Variants in NALF1 observed in about 807,000 individuals in gnomAD.
NALF1 encodes NALCN channel auxiliary factor 1.
Under a neutral mutation model 48.4 loss-of-function variants are expected in NALF1, and 3 were observed. The observed-to-expected ratio is 0.06, with a 90% confidence interval of 0.03 to 0.16. The LOEUF (loss-of-function observed/expected upper bound fraction) is 0.16, where lower values mean the gene tolerates loss of function less well. Among genes scored for constraint, NALF1 ranks in the 10% least tolerant of loss-of-function variants. The pLI, the probability that NALF1 is intolerant of heterozygous loss-of-function variation, is 1.00. For synonymous variants in NALF1, 262 were observed against 245.7 expected (o/e 1.07, Z -0.62); for missense variants, 526 against 571.5 (o/e 0.92, Z 0.81).
chr13:107,686,204 G>A (rs959587743), intron 1 of NALF1, among the ~76,000 whole-genome samples: 1 of 152,090 alleles, frequency 6.6e-6, no homozygotes, highest in Non-Finnish European at 1.5e-5. Context: ...AAGCAAGCTG[G>A]GAGTATAGGG....
At chr13:107,333,387 G>GA (rs1010056666) in intron 1 of NALF1, among the ~76,000 whole-genome samples, 2 of 152,166 alleles carry the variant, frequency 1.3e-5, no homozygotes, top group Non-Finnish European at 2.9e-5. Context: ...CAAGAAATGA[G>GA]AAAAACATGG....
chr13:107,554,704 G>C (rs1229062715), intron 1 of NALF1, among the ~76,000 whole-genome samples: 1 of 152,164 alleles, frequency 6.6e-6, no homozygotes, highest in Admixed American at 6.5e-5. Flanking sequence ...CTTTGTAATT[G>C]CTTCTGACAG....
intron 1 of NALF1, among the ~76,000 whole-genome samples, chr13:107,603,185 T>G (rs753651163): frequency 1.3e-5 from 2 of 152,356 alleles, no homozygotes; most frequent in South Asian, 4.1e-4. Flanking sequence ...TTTTACAATT[T>G]AGACACTGCT....
At chr13:107,626,906 A>G (rs927259563) in intron 1 of NALF1, among the ~76,000 whole-genome samples, 6 of 152,228 alleles carry the variant, frequency 3.9e-5, no homozygotes, top group African/African-American at 7.2e-5. Context: ...AAACACCTAA[A>G]TTAAGGAACA....
At chr13:107,593,496 T>A (rs1878654622) in intron 1 of NALF1, among the ~76,000 whole-genome samples, 2 of 151,890 alleles carry the variant, frequency 1.3e-5, no homozygotes, top group East Asian at 3.9e-4. Flanking sequence ...AATAAGCAAG[T>A]TTTTAATAAA....
intron 1 of NALF1, among the ~76,000 whole-genome samples, chr13:107,578,182 C>T (rs1758313464): frequency 2.0e-5 from 3 of 152,256 alleles, no homozygotes; most frequent in Middle Eastern, 3.4e-3. Context: ...GTTGTCATTC[C>T]GTTTGTTGAC....
At chr13:107,524,001 C>T (rs574283794) in intron 1 of NALF1, among the ~76,000 whole-genome samples, 1 of 152,062 alleles carries the variant, frequency 6.6e-6, no homozygotes, top group East Asian at 1.9e-4. Flanking sequence ...AGACAATTCC[C>T]CACTGCTGAA....
chr13:107,416,842 C>T (rs1186592882), intron 1 of NALF1, among the ~76,000 whole-genome samples: 1 of 152,180 alleles, frequency 6.6e-6, no homozygotes, highest in Non-Finnish European at 1.5e-5. Flanking sequence ...AACTCATAGA[C>T]TGCTTTTTCT....
At chr13:107,259,616 A>C (rs1439424699) in intron 1 of NALF1, among the ~76,000 whole-genome samples, 2 of 152,208 alleles carry the variant, frequency 1.3e-5, no homozygotes, top group East Asian at 3.8e-4. Flanking sequence ...AAGAGTCAAA[A>C]ATGACAAGTC....
chr13:107,770,865 G>A (rs1260948272), intron 1 of NALF1, among the ~76,000 whole-genome samples: 2 of 151,450 alleles, frequency 1.3e-5, no homozygotes, highest in Non-Finnish European at 2.9e-5. Flanking sequence ...TTCTTTTTTT[G>A]CTTTGTTTTC....
chr13:107,541,416 A>G (rs534811133), intron 1 of NALF1, among the ~76,000 whole-genome samples: 2 of 152,128 alleles, frequency 1.3e-5, no homozygotes, highest in Non-Finnish European at 2.9e-5. Context: ...TCAAAAGAGA[A>G]GAATAGTCGA....
At chr13:107,354,007 G>C (rs1882919548) in intron 1 of NALF1, among the ~76,000 whole-genome samples, 1 of 152,144 alleles carries the variant, frequency 6.6e-6, no homozygotes, top group Admixed American at 6.5e-5. Flanking sequence ...AGATGAGACA[G>C]CCAAGGTTCT....
chr13:107,701,595 G>A (rs764662448), intron 1 of NALF1, among the ~76,000 whole-genome samples: 1 of 152,064 alleles, frequency 6.6e-6, no homozygotes, highest in Non-Finnish European at 1.5e-5. Flanking sequence ...AGGAAATGGG[G>A]AGATAGATGT....
At chr13:107,290,860 G>A (rs910581141) in intron 1 of NALF1, among the ~76,000 whole-genome samples, 2 of 151,958 alleles carry the variant, frequency 1.3e-5, no homozygotes, top group African/African-American at 4.8e-5. Context: ...ATAGATTTCT[G>A]GGTTTATCTT....
chr13:107,483,252 AT>A (rs1451208400), intron 1 of NALF1, among the ~76,000 whole-genome samples: 2 of 152,310 alleles, frequency 1.3e-5, no homozygotes, highest in African/African-American at 4.8e-5. Flanking sequence ...TAAAGTGCAT[AT>A]AAATCTCATT....
chr13:107,453,372 C>T (rs924552153), intron 1 of NALF1, among the ~76,000 whole-genome samples: 2 of 152,226 alleles, frequency 1.3e-5, no homozygotes, highest in South Asian at 2.1e-4. Context: ...GTCTTCTGCA[C>T]ACCCACAGGG....
chr13:107,363,281 ATC>A (rs1018687136), intron 1 of NALF1, among the ~76,000 whole-genome samples: 3 of 152,202 alleles, frequency 2.0e-5, no homozygotes, highest in Non-Finnish European at 4.4e-5. Context: ...AACTTGGATT[ATC>A]TGATTTGTTC....
At chr13:107,585,394 C>G (rs1433467892) in intron 1 of NALF1, among the ~76,000 whole-genome samples, 2 of 151,026 alleles carry the variant, frequency 1.3e-5, no homozygotes, top group Non-Finnish European at 2.9e-5. Context: ...AAAAATCCAA[C>G]GTATCTGGGA....
chr13:107,325,887 T>TATATATAC (rs752320518), intron 1 of NALF1, among the ~76,000 whole-genome samples: 58 of 58,870 alleles, frequency 9.9e-4, no homozygotes, highest in African/African-American at 2.0e-3. Flanking sequence ...TATATATATA[T>TATATATAC]ACACACACAC....
Sources: allele counts gnomAD v4.1 joint callset (sites outside exome capture counted in the v4.1 genomes callset), GRCh38; gene constraint gnomAD v4.1.1; transcripts MANE v1.5; gene names NCBI Gene and HGNC (gene_info 2026-07-23, HGNC 2026-07-21).